Variants in PAK1 observed in about 807,000 individuals in gnomAD.
PAK1 encodes serine/threonine-protein kinase PAK 1.
PAK1 carries 29 observed loss-of-function variants against 67.4 expected under a neutral mutation model. The observed-to-expected ratio is 0.43, with a 90% CI of 0.32 to 0.59. PAK1 has a LOEUF of 0.59. PAK1 is among the 20% of genes least tolerant of loss of function. The probability of loss-of-function intolerance (pLI) is 0.07; values close to 1 mark genes in which losing one functional copy is unlikely to be tolerated. For synonymous variants in PAK1, 223 were observed against 237.4 expected, an observed-to-expected ratio of 0.94 and a Z score of 0.56; for missense variants, 337 against 670.7, an observed-to-expected ratio of 0.50 and a Z score of 5.50.
At position 77,383,606 on chromosome 11, in the gene PAK1, T is replaced by C. The variant is rs149691048; in HGVS notation, c.191-3612A>G. On this transcript the variant is annotated intron_variant, in intron 2 of 14. Transcript: ENST00000356341. ...TCCCAAAGTGCTGGTATTACAGGCA[T>C]GAGCCACCACGCCCGGCCTGGTACT... 8.3e-3 allele frequency among the ~76,000 whole-genome samples: 1,271 copies of C among 152,274 alleles called. 10 individuals carry two copies. The highest frequency in any genetic ancestry group is 0.015 in the Non-Finnish European group (998 of 68,030).
chr11:77,390,711 G>T (rs568852873), intron 2 of PAK1, among the ~76,000 whole-genome samples: 66 of 141,890 alleles, frequency 4.7e-4, no homozygotes, highest in African/African-American at 1.7e-3. Flanking sequence ...TATTTTGCCC[G>T]GGCTAGTCTC....
At chr11:77,454,458 A>T (rs1166850914) in intron 1 of PAK1, among the ~76,000 whole-genome samples, 1 of 152,194 alleles carries the variant, frequency 6.6e-6, no homozygotes, top group Non-Finnish European at 1.5e-5. Context: ...CCAGTTTTGA[A>T]ATGGATGCTG....
At chr11:77,462,982 AG>A (rs1170395313) in intron 1 of PAK1, among the ~76,000 whole-genome samples, 113 of 11,718 alleles carry the variant, frequency 9.6e-3, no homozygotes, top group Admixed American at 0.016. Flanking sequence ...AAAAAAAAAA[AG>A]GTGGGTGGGG....
At chr11:77,403,874 A>G (rs1469631099) in intron 1 of PAK1, among the ~76,000 whole-genome samples, 1 of 152,224 alleles carries the variant, frequency 6.6e-6, no homozygotes, top group Admixed American at 6.5e-5. Flanking sequence ...TGAGATCTTT[A>G]AAAGGTGATT....
intron 9 of PAK1, 131 bp downstream of exon 9, chr11:77,349,108 G>A (rs1384430585): frequency 7.9e-6 from 5 of 633,144 alleles, no homozygotes; most frequent in Non-Finnish European, 1.1e-5. Flanking sequence ...CTGGATGACA[G>A]AGTGAGACCC....
upstream of PAK1, chr11:77,475,559 GAAATATTAACGTTATTT>G (rs1308430107): frequency 2.6e-5 from 4 of 152,206 alleles, no homozygotes; most frequent in African/African-American, 9.7e-5. Flanking sequence ...CAAGCACACT[GAAATATTAACGTTATTT>G]GAATACACAT....
chr11:77,330,230 A>G (rs1345111847), intron 14 of PAK1, among the ~76,000 whole-genome samples: 5 of 152,188 alleles, frequency 3.3e-5, no homozygotes, highest in East Asian at 1.9e-4. Context: ...TATAGATTCA[A>G]TGCCATCCCC....
chr11:77,366,483 T>G (rs1452977584), intron 5 of PAK1, among the ~76,000 whole-genome samples: 1 of 152,130 alleles, frequency 6.6e-6, no homozygotes, highest in Admixed American at 6.5e-5. Context: ...AGTAATAGAA[T>G]AAAGAAGGGG....
chr11:77,464,873 A>G (rs566651398), intron 1 of PAK1, among the ~76,000 whole-genome samples: 2 of 152,214 alleles, frequency 1.3e-5, no homozygotes, highest in Non-Finnish European at 2.9e-5. Context: ...GGGTATTCCA[A>G]GTATGGTTTC....
At chr11:77,431,786 A>C (rs1327357314) in intron 1 of PAK1, among the ~76,000 whole-genome samples, 3 of 152,234 alleles carry the variant, frequency 2.0e-5, no homozygotes, top group Non-Finnish European at 4.4e-5. Context: ...TTAAATACCA[A>C]GTCTAACTTA....
At chr11:77,332,655 T>C in intron 14 of PAK1, 75 bp downstream of exon 14, 1 of 1,230,918 alleles carries the variant, frequency 8.1e-7, no homozygotes, top group Non-Finnish European at 1.2e-6. Flanking sequence ...ATCCAGTACC[T>C]TACAAACATG....
chr11:77,389,152 C>T (rs1247721101), intron 2 of PAK1, among the ~76,000 whole-genome samples: 1 of 152,202 alleles, frequency 6.6e-6, no homozygotes, highest in African/African-American at 2.4e-5. Flanking sequence ...TTTACCAATG[C>T]TGGACATTTC....
At chr11:77,324,172 C>CTTTTTTTT (rs11324143) in intron 14 of PAK1, among the ~76,000 whole-genome samples, 192 of 127,420 alleles carry the variant, frequency 1.5e-3, no homozygotes, top group Middle Eastern at 8.5e-3. Flanking sequence ...AAAGCAATTC[C>CTTTTTTTT]TTTTTTTTTT....
chr11:77,401,958 A>G (rs916533667), intron 1 of PAK1, among the ~76,000 whole-genome samples: 6 of 152,206 alleles, frequency 3.9e-5, no homozygotes, highest in African/African-American at 1.4e-4. Flanking sequence ...CCTGGTAATT[A>G]GCCAAGGTTC....
At chr11:77,469,274 G>A (rs1254169576) in intron 1 of PAK1, among the ~76,000 whole-genome samples, 1 of 152,032 alleles carries the variant, frequency 6.6e-6, no homozygotes, top group African/African-American at 2.4e-5. Context: ...TGACTCTCAG[G>A]TTTCCTCACC....
intron 8 of PAK1, among the ~76,000 whole-genome samples, chr11:77,352,220 C>T (rs1191106783): frequency 2.6e-5 from 4 of 152,124 alleles, no homozygotes; most frequent in African/African-American, 7.2e-5. Flanking sequence ...CACTCTACAT[C>T]CTCCTCCCAG....
At chr11:77,483,190 T>TC in the PAK1 span, among the ~76,000 whole-genome samples, 2 of 130,052 alleles carry the variant, frequency 1.5e-5, no homozygotes, top group Non-Finnish European at 3.2e-5. Flanking sequence ...AGAGTGAGAC[T>TC]CCATCTCAAA....
At chr11:77,484,078 G>A in the PAK1 span, among the ~76,000 whole-genome samples, 1 of 152,066 alleles carries the variant, frequency 6.6e-6, no homozygotes, top group African/African-American at 2.4e-5. Flanking sequence ...TATTAGAAAG[G>A]CAATGTAGAA....
chr11:77,472,845 C>T (rs1957930753), intron 1 of PAK1, among the ~76,000 whole-genome samples: 1 of 172 alleles, frequency 5.8e-3, no homozygotes, highest in Non-Finnish European at 0.012. Context: ...AAGGACGTTG[C>T]TCACAACGCC....
Sources: gnomAD v4.1 joint callset for allele counts (sites outside exome capture counted in the v4.1 genomes callset) on GRCh38, gnomAD v4.1.1 for gene constraint, MANE v1.5 for transcripts, NCBI Gene and HGNC (gene_info 2026-07-23, HGNC 2026-07-21) for gene names.